ERI1: variants seen among roughly 807,000 people sequenced by gnomAD.
The protein encoded by ERI1 is 3'-5' exoribonuclease 1.
ERI1 carries 39 observed loss-of-function variants against 39.7 expected under a neutral mutation model. The observed-to-expected ratio is 0.98, with a 90% CI of 0.76 to 1.28. The LOEUF is 1.28. ERI1 is among the 50% of genes most tolerant of loss of function. ERI1 has a pLI of 0.00. For missense variants in ERI1, 581 were observed against 416.9 expected, an observed-to-expected ratio of 1.39 and a Z score of -3.43; for synonymous variants, 204 against 149.6, an observed-to-expected ratio of 1.36 and a Z score of -2.65.
At chr8:9,096,907 C>T (rs930689636) in intron 3 of ERI1, 5 of 151,916 alleles carry the variant, frequency 3.3e-5, no homozygotes, top group Non-Finnish European at 7.3e-5. Flanking sequence ...GTCTGACTTT[C>T]TCCTGACATT....
At chr8:9,048,024 A>G (rs142941643) in intron 3 of ERI1, among the ~76,000 whole-genome samples, 113 of 152,360 alleles carry the variant, frequency 7.4e-4, no homozygotes, top group African/African-American at 2.6e-3. Flanking sequence ...CAAAGCCAGT[A>G]AGTGGGAAAG....
chr8:9,080,458 A>T (rs181175919), intron 3 of ERI1, among the ~76,000 whole-genome samples: 1 of 152,330 alleles, frequency 6.6e-6, no homozygotes, highest in African/African-American at 2.4e-5. Flanking sequence ...GCAGACAGAG[A>T]CGTGAACAGC....
chr8:9,006,053 T>A (rs1470569848), intron 1 of ERI1, among the ~76,000 whole-genome samples: 1 of 152,238 alleles, frequency 6.6e-6, no homozygotes, highest in Non-Finnish European at 1.5e-5. Flanking sequence ...GTGGATGTAG[T>A]TACTGGTACG....
At chr8:9,054,558 A>G (rs1798449798) in intron 3 of ERI1, among the ~76,000 whole-genome samples, 1 of 152,234 alleles carries the variant, frequency 6.6e-6, no homozygotes, top group African/African-American at 2.4e-5. Flanking sequence ...AGGCTTCAGG[A>G]TAAAGACCCA....
Position 9,007,979 on chromosome 8 carries a change from C to T in ERI1, c.118C>T (p.Gln40Ter). Residue 40 changes from glutamine (Q) to a stop codon, truncating the protein, a stop_gained, in exon 2 of 7, where the codon CAG becomes TAG. Coordinates refer to ENST00000250263, the MANE Select transcript of ERI1 (RefSeq NM_153332.4). LOFTEE classifies it high-confidence loss of function. ...PPRPSPEETQ[Q>*]CKFDGQETKG... The stretch of plus-strand genomic sequence containing the variant: ...TTTTTTTTTTTGGTAGGAAACTCAA[C>T]AGTGTAAATTTGATGGCCAGGAGAC... The T allele has an allele frequency of 1.5e-6, 1 of 677,322 alleles. No homozygotes were observed. The allele number at this position is 677,322 out of a possible 1,614,324, so 42.0% of individuals were successfully genotyped here.
chr8:9,064,339 C>T (rs777408309), intron 3 of ERI1, among the ~76,000 whole-genome samples: 8 of 152,016 alleles, frequency 5.3e-5, no homozygotes, highest in South Asian at 2.1e-4. Context: ...CGGTACTTGC[C>T]GCTAAGGGTG....
Position 9,029,858 on chromosome 8 carries a change from C to T in ERI1, c.874C>T (p.Pro292Ser). ...EKLGMDYDGR[P>S]HCGLDDSKNI... ...ATTAGGAATGGATTATGATGGGCGG[C>T]CTCACTGTGGTCTTGATGACTCTAA... Residue 292 changes from proline (P) to serine (S), a missense_variant, in exon 7 of 7, where the codon CCT (proline) becomes TCT (serine). By Grantham distance (74) the Pro-to-Ser change is moderately conservative. Coordinates refer to ENST00000250263, the MANE Select transcript of ERI1 (RefSeq NM_153332.4). The T allele has an allele frequency of 6.2e-7, 1 of 1,614,124 alleles. No homozygotes were observed.
At chr8:9,021,774 G>GTTT (rs200507835) in intron 6 of ERI1, among the ~76,000 whole-genome samples, 2 of 88,286 alleles carry the variant, frequency 2.3e-5, no homozygotes, top group Admixed American at 1.1e-4. Context: ...TGTTTTTTTT[G>GTTT]TTTTTTTTTT....
rs373778086 is a variant in ERI1, at chr8:9,022,588, C to T, written c.807+2124C>T. Among the ~76,000 whole-genome samples the T allele has an allele frequency of 8.3e-3, 1,262 of 152,034 alleles. 17 individuals carry two copies. The highest frequency in any genetic ancestry group is 0.029 in the African/African-American group (1,205 of 41,466). On this transcript the variant is annotated intron_variant, in intron 6 of 6. Transcript: ENST00000250263. ...CTAATTTTTGTATTTTCAGTAGAGACGGGGTTTCGCCATGTTGGTGAGGCT... is the reference window on the plus strand; with the variant it reads ...CTAATTTTTGTATTTTCAGTAGAGATGGGGTTTCGCCATGTTGGTGAGGCT...
At chr8:9,069,362 T>C (rs962785597) in intron 3 of ERI1, among the ~76,000 whole-genome samples, 1 of 152,256 alleles carries the variant, frequency 6.6e-6, no homozygotes, top group Non-Finnish European at 1.5e-5. Context: ...TTTGTTGCAA[T>C]GTATTTTAGA....
At chr8:9,023,412 A>C (rs561628250) in intron 6 of ERI1, among the ~76,000 whole-genome samples, 11 of 152,162 alleles carry the variant, frequency 7.2e-5, no homozygotes, top group Admixed American at 7.2e-4. Flanking sequence ...TTAAAAATTA[A>C]TAAACCTTAA....
rs560101157 is a variant in ERI1, at chr8:9,097,308, T to C, written n.300-19040T>C. Among the ~76,000 whole-genome samples, 3 of 152,342 alleles carry C rather than the reference T, an allele frequency of 2.0e-5. No homozygotes were observed. The East Asian group carries it at 5.8e-4, about 29-fold the overall frequency. On this transcript the variant is annotated intron_variant and non_coding_transcript_variant, in intron 3 of 3. Transcript: ENST00000518663. ...AGTCGAGTGTTTTTGTGCTAGGCAT[T>C]GCATTTGGTACTGGGGACCCAGTGG...
In ERI1 at chr8:9,014,007, C is replaced by T. The variant is rs182357719; in HGVS notation, c.498+2255C>T. Among the ~76,000 whole-genome samples, 6 of 152,310 alleles carry T rather than the reference C, an allele frequency of 3.9e-5. No individual in the cohort carries two copies. In the East Asian group the frequency reaches 1.2e-3, roughly 29 times the overall value. ...CCGCCTACAACCAGTTCTCAAAAAA[C>T]TGGCCAGAGTAATCCTTTTAAAATA... is the stretch of plus-strand genomic sequence containing the variant. On this transcript the variant is annotated intron_variant, in intron 3 of 6. Transcript: ENST00000250263.
intron 3 of ERI1, among the ~76,000 whole-genome samples, chr8:9,050,713 G>C (rs1798330319): frequency 6.6e-6 from 1 of 152,256 alleles, no homozygotes; most frequent in South Asian, 2.1e-4. Flanking sequence ...AGTTACGGAA[G>C]GAATGGAGAA....
chr8:9,077,705 T>A (rs1212952484), intron 3 of ERI1, among the ~76,000 whole-genome samples: 2 of 152,196 alleles, frequency 1.3e-5, no homozygotes, highest in Non-Finnish European at 2.9e-5. Context: ...AGACCTTTAG[T>A]CTATTTTCCT....
At chr8:9,069,039 G>A (rs962625786) in intron 3 of ERI1, among the ~76,000 whole-genome samples, 3 of 152,086 alleles carry the variant, frequency 2.0e-5, no homozygotes, top group South Asian at 4.1e-4. Flanking sequence ...GGCTGGTCTC[G>A]AACTCCTGGG....
At position 9,020,478 on chromosome 8, in the gene ERI1, A is replaced by T. The variant is rs199971754; in HGVS notation, c.807+14A>T. On this transcript the variant is annotated intron_variant, in intron 6 of 6. Transcript: ENST00000250263. ...AATTTTTACAAGGTAAAATTTCTATATTTAATAATTACGTGGTTCTTAATG... is the reference window on the plus strand; with the variant it reads ...AATTTTTACAAGGTAAAATTTCTATTTTTAATAATTACGTGGTTCTTAATG... 2 of 1,455,512 alleles carry T rather than the reference A, an allele frequency of 1.4e-6. No individual in the cohort carries two copies. Among genetic ancestry groups the T allele is most frequent in the South Asian group, 1.2e-5 (1 of 81,634 alleles). 90.2% of individuals were successfully genotyped at this position (1,455,512 alleles called of 1,614,324 possible). A position where few individuals can be genotyped will look rare whatever the true frequency, so the allele number is the denominator to read the frequency against.
chr8:9,033,888 A>G (rs763174135), downstream of ERI1, among the ~76,000 whole-genome samples: 5 of 152,226 alleles, frequency 3.3e-5, no homozygotes, highest in African/African-American at 7.2e-5. Context: ...GACATTTTCA[A>G]TGCGATTGTA....
At chr8:9,071,620 A>C (rs7846644) in intron 3 of ERI1, among the ~76,000 whole-genome samples, 55,766 of 151,900 alleles carry the variant, frequency 0.37, 10,930 homozygotes, top group Non-Finnish European at 0.45. Context: ...TAACTTGGTA[A>C]CCCATTCTAC....
Sources: allele counts gnomAD v4.1 joint callset (sites outside exome capture counted in the v4.1 genomes callset), GRCh38; gene constraint gnomAD v4.1.1; transcripts MANE v1.5; gene names NCBI Gene and HGNC (gene_info 2026-07-23, HGNC 2026-07-21).